MDGA1: variants seen among roughly 807,000 people sequenced by gnomAD.
MDGA1 encodes the protein MAM domain-containing glycosylphosphatidylinositol anchor protein 1.
MDGA1 carries 54 observed loss-of-function variants against 101.5 expected under a neutral mutation model. That is an observed-to-expected ratio of 0.53 (90% CI 0.43 to 0.67). MDGA1 has a LOEUF of 0.67. MDGA1 is among the 30% of genes least tolerant of loss of function. The probability of loss-of-function intolerance (pLI) is 0.00; values close to 1 mark genes in which losing one functional copy is unlikely to be tolerated. For missense variants in MDGA1, 1,083 were observed against 1,323.8 expected, an observed-to-expected ratio of 0.82 and a Z score of 2.82; for synonymous variants, 533 against 558.3, an observed-to-expected ratio of 0.95 and a Z score of 0.64.
Position 37,658,395 on chromosome 6 carries a change from T to C in MDGA1, c.232A>G (p.Ser78Gly). ...GTCTCCTGGAACTTGTCCGAGGCGCTACCTGCCGTCTTGGTCCACCGTACC... is the reference window on the plus strand; with the variant it reads ...GTCTCCTGGAACTTGTCCGAGGCGCCACCTGCCGTCTTGGTCCACCGTACC... ...PQVRWTKTAG[S>G]ASDKFQETSV... is the part of the protein sequence containing the mutation. Residue 78 changes from serine (S) to glycine (G), a missense_variant, in exon 3 of 17, where the codon AGC becomes GGC. Ser to Gly is a moderately conservative substitution (Grantham distance 56). Around this residue, in one of 3 missense-constraint regions of MDGA1, gnomAD observed 310 missense variants for 355.9 expected, o/e 0.87. Transcript: ENST00000434837. The C allele has an allele frequency of 1.2e-6, 2 of 1,610,744 alleles. No individual in the cohort carries two copies. The highest frequency in any genetic ancestry group is 1.7e-6 in the Non-Finnish European group (2 of 1,178,620).
intron 1 of MDGA1, among the ~76,000 whole-genome samples, chr6:37,692,805 T>G (rs1762341430): frequency 6.6e-6 from 1 of 151,398 alleles, no homozygotes; most frequent in Non-Finnish European, 1.5e-5. Flanking sequence ...AGCTCTCAGC[T>G]CTCCCCTGCC....
chr6:37,653,709 T>C (rs1387402829), intron 6 of MDGA1, among the ~76,000 whole-genome samples: 1 of 152,254 alleles, frequency 6.6e-6, no homozygotes, highest in Non-Finnish European at 1.5e-5. Flanking sequence ...AGTTAATTAC[T>C]GAGGCTGAGG....
chr6:37,660,313 G>T (rs970900485), intron 2 of MDGA1, among the ~76,000 whole-genome samples: 14 of 151,966 alleles, frequency 9.2e-5, no homozygotes, highest in African/African-American at 3.4e-4. Context: ...ACTGCACCTG[G>T]TCCTTCATCT....
chr6:37,664,600 TACACACACACACAC>T (rs61046567), intron 1 of MDGA1, among the ~76,000 whole-genome samples: 6 of 118,138 alleles, frequency 5.1e-5, no homozygotes, highest in South Asian at 6.1e-4. Context: ...TCCCCCACAA[TACACACACACACAC>T]ACACACACAC....
chr6:37,670,987 C>T (rs1581615672), intron 1 of MDGA1, among the ~76,000 whole-genome samples: 1 of 152,192 alleles, frequency 6.6e-6, no homozygotes, highest in Non-Finnish European at 1.5e-5. Flanking sequence ...ATCATCTTTG[C>T]TTGACACCAT....
intron 1 of MDGA1, among the ~76,000 whole-genome samples, chr6:37,694,836 T>C (rs1762384183): frequency 6.6e-6 from 1 of 152,104 alleles, no homozygotes; most frequent in Admixed American, 6.5e-5. Flanking sequence ...CCACTTTGAT[T>C]GGCTCTGAGT....
intron 1 of MDGA1, among the ~76,000 whole-genome samples, chr6:37,685,555 C>G (rs141513368): frequency 6.6e-6 from 1 of 152,332 alleles, no homozygotes; most frequent in East Asian, 1.9e-4. Context: ...CAGAGCCTCT[C>G]ACACAGCCCA....
chr6:37,653,396 AACTG>A (rs1487155262), intron 6 of MDGA1, among the ~76,000 whole-genome samples: 1 of 152,200 alleles, frequency 6.6e-6, no homozygotes, highest in Non-Finnish European at 1.5e-5. Flanking sequence ...GTCAGAAAGA[AACTG>A]ACTGGTCAGT....
intron 1 of MDGA1, among the ~76,000 whole-genome samples, chr6:37,682,968 C>T (rs528997150): frequency 5.5e-4 from 83 of 152,284 alleles, no homozygotes; most frequent in African/African-American, 1.9e-3. Context: ...AGAATGCAGT[C>T]GACCTTATTA....
intron 1 of MDGA1, among the ~76,000 whole-genome samples, chr6:37,666,121 G>A (rs916620665): frequency 6.6e-6 from 1 of 151,568 alleles, no homozygotes. Context: ...GCCGAGGCGG[G>A]TGGATCACGA....
At chr6:37,671,830 AAGAC>A (rs1266740384) in intron 1 of MDGA1, among the ~76,000 whole-genome samples, 4 of 152,212 alleles carry the variant, frequency 2.6e-5, no homozygotes, top group Non-Finnish European at 4.4e-5. Context: ...AGGGCCAAAC[AAGAC>A]AGACAGCAAG....
chr6:37,646,211 G>A lies in MDGA1; in HGVS notation c.2211C>T (p.Ile737=), dbSNP rs770053898. 28 of 1,584,038 alleles carry A rather than the reference G, an allele frequency of 1.8e-5. No individual in the cohort carries two copies. In the African/African-American group the frequency reaches 3.5e-4, roughly 20 times the overall value. The change falls in exon 11 of 17, where the codon ATC becomes ATT. Residue 737 remains isoleucine, a synonymous_variant. Coordinates refer to ENST00000434837, the MANE Select transcript of MDGA1 (RefSeq NM_153487.4). ...ACTGTCACCTACGCTCTGTGTAGTG[G>A]ATGATGCGGGAGGCCATGTCACCAG... ...FGAGDMASRI[I]HYTEPINSPN... is the part of the protein sequence containing the mutation.
rs1329133185 is a variant in MDGA1 at position 37,637,425 on chromosome 6, C to G, written c.2811G>C (p.Gln937His). ...VVMPGSGAPC[Q>H]SSPQLWGPMA... The stretch of plus-strand genomic sequence containing the variant: ...TGGGCCCCCACAGCTGTGGGCTGGA[C>G]TGGCAGGGGGCTCCACTGCCCGGCA... Residue 937 changes from glutamine to histidine, a missense_variant, in exon 17 of 17, where the codon CAG becomes CAC. By Grantham distance (24) the Gln-to-His change is conservative. Transcript: ENST00000434837. The G allele has an allele frequency of 3.1e-6, 5 of 1,613,556 alleles. No individual in the cohort carries two copies. The highest frequency in any genetic ancestry group is 4.2e-6 in the Non-Finnish European group (5 of 1,179,766).
rs141904619 is a variant in MDGA1 at position 37,687,583 on chromosome 6, G to A, written c.67+9162C>T. Among the ~76,000 whole-genome samples the A allele has an allele frequency of 3.3e-5, 5 of 152,050 alleles. No homozygotes were observed. The East Asian group carries it at 9.7e-4, about 29-fold the overall frequency. On this transcript the variant is annotated intron_variant, in intron 1 of 16. Transcript: ENST00000434837. ...CCCTGTCTCAAATGAAATCAATTTT[G>A]CTGGTTTTACATTGAATTGCTACTT...
chr6:37,637,158 CGT>C lies in MDGA1; in HGVS notation c.*208_*209del, dbSNP rs1263823495. Reference sequence around the variant, plus strand: ...CTGTGTGTGTGAGCATGAGTGTGTGCGTGTGTGCAAGTGGAACAGCTGTCTCC... The same window carrying C: ...CTGTGTGTGTGAGCATGAGTGTGTGCGTGTGCAAGTGGAACAGCTGTCTCC... On this transcript the variant is annotated 3_prime_UTR_variant, in exon 17 of 17. Coordinates refer to ENST00000434837, the MANE Select transcript of MDGA1 (RefSeq NM_153487.4). 3.8e-5 allele frequency: 21 copies of C among 550,862 alleles called. No individual in the cohort carries two copies. In the East Asian group the frequency reaches 6.2e-4, roughly 16 times the overall value. 34.1% of individuals were successfully genotyped at this position (550,862 alleles called of 1,614,324 possible).
At chr6:37,693,326 A>G (rs1046671464) in intron 1 of MDGA1, among the ~76,000 whole-genome samples, 4 of 152,142 alleles carry the variant, frequency 2.6e-5, no homozygotes, top group Non-Finnish European at 4.4e-5. Flanking sequence ...CAGAGGAGGG[A>G]AAAAAACCTG....
intron 1 of MDGA1, among the ~76,000 whole-genome samples, chr6:37,694,873 C>T (rs55912612): frequency 0.14 from 21,724 of 151,944 alleles, 1,703 homozygotes; most frequent in African/African-American, 0.2. Flanking sequence ...TAGGCACAGG[C>T]GGGAGGGGAG....
Position 37,652,385 on chromosome 6 carries a change from TC to T in MDGA1, c.983-46del. The T allele has an allele frequency of 6.8e-7, 1 of 1,473,582 alleles. No homozygotes were observed. The highest frequency in any genetic ancestry group is 9.2e-7 in the Non-Finnish European group (1 of 1,087,022). The allele number at this position is 1,473,582 out of a possible 1,614,324, so 91.3% of individuals were successfully genotyped here. Reference sequence around the variant, plus strand: ...GAAGGGTAGTTGGGGTTGGCCTGACTCCAGGGGTCCATGTCCCACCCCAACC... The same window carrying T: ...GAAGGGTAGTTGGGGTTGGCCTGACTCAGGGGTCCATGTCCCACCCCAACC... On this transcript the variant is annotated intron_variant, in intron 6 of 16. Coordinates refer to ENST00000434837, the MANE Select transcript of MDGA1 (RefSeq NM_153487.4). The surrounding 1 kb of genome is among the most constrained non-coding windows in gnomAD (Gnocchi z 4.3).
chr6:37,650,590 G>A (rs577099472), intron 7 of MDGA1, among the ~76,000 whole-genome samples, 185 bp from the exon 8 acceptor site: 130 of 152,292 alleles, frequency 8.5e-4, no homozygotes, highest in Admixed American at 2.0e-4. Context: ...TCCATCTCCT[G>A]GGTCTCCACC....
Sources: allele counts gnomAD v4.1 joint callset (sites outside exome capture counted in the v4.1 genomes callset), GRCh38; gene constraint gnomAD v4.1.1; regional missense constraint gnomAD v4.1.1; non-coding constraint Gnocchi (gnomAD v3.1); transcripts MANE v1.5; gene names NCBI Gene and HGNC (gene_info 2026-07-23, HGNC 2026-07-21).